The following MLLT10 variants were observed in gnomAD, a reference collection of about 807,000 sequenced individuals.
MLLT10 encodes the protein protein AF-10.
MLLT10 carries 30 observed loss-of-function variants against 129.1 expected under a neutral mutation model. That is an observed-to-expected ratio of 0.23 (90% CI 0.17 to 0.32). The LOEUF is 0.32. MLLT10 is among the 10% of genes least tolerant of loss of function. The probability of loss-of-function intolerance (pLI) is 1.00; values close to 1 mark genes in which losing one functional copy is unlikely to be tolerated. For missense variants in MLLT10, 1,119 were observed against 1,268.3 expected (o/e 0.88, Z 1.79); for synonymous variants, 490 against 446.4 (o/e 1.10, Z -1.23).
intron 13 of MLLT10, among the ~76,000 whole-genome samples, chr10:21,687,116 G>A (rs1183656764): frequency 6.6e-6 from 1 of 152,134 alleles, no homozygotes; most frequent in African/African-American, 2.4e-5. Flanking sequence ...TCTGGTTTGA[G>A]ACAACTGCGC....
Position 21,733,745 on chromosome 10 carries a change from G to C in MLLT10, c.2497-23G>C, listed in dbSNP as rs749115754. On this transcript the variant is annotated intron_variant, in intron 19 of 22. Transcript: ENST00000307729. The stretch of plus-strand genomic sequence containing the variant: ...TGGGACTTAATGTCCAGTGGACTTA[G>C]TTTCTCTTCTTTCTTACGCTAGGAC... 12 of 1,584,396 alleles carry C rather than the reference G, an allele frequency of 7.6e-6. No individual in the cohort carries two copies. In the East Asian group the frequency reaches 2.7e-4, roughly 36 times the overall value.
At chr10:21,557,058 C>G in intron 3 of MLLT10, 1 of 1,419,042 alleles carries the variant, frequency 7.0e-7, no homozygotes, top group Non-Finnish European at 9.2e-7. Context: ...TTTTTTCCCA[C>G]TCAACTCACA....
chr10:21,708,878 C>T, intron 13 of MLLT10: 1 of 425,562 alleles, frequency 2.3e-6, no homozygotes, highest in Non-Finnish European at 3.1e-6. Context: ...AAAGCATTAA[C>T]ACCAAAATGG....
chr10:21,597,894 C>G (rs371586093), intron 5 of MLLT10, among the ~76,000 whole-genome samples: 3 of 152,140 alleles, frequency 2.0e-5, no homozygotes, highest in African/African-American at 7.2e-5. Flanking sequence ...TACATAATTT[C>G]AGTTTTTCCT....
rs146156627 is a variant in MLLT10 at position 21,711,423 on chromosome 10, A to G, written c.1700-2349A>G. 3.8e-4 allele frequency among the ~76,000 whole-genome samples: 58 copies of G among 151,984 alleles called. No individual in the cohort carries two copies. The East Asian group carries it at 0.011, about 28-fold the overall frequency. On this transcript the variant is annotated intron_variant, in intron 13 of 22. Transcript: ENST00000307729. ...GGCAACAGAGCAAGACTTCACCTCA[A>G]AAAAGAAACTAGCTTGAGGCTGGGC...
At chr10:21,694,138 G>C (rs754580628) in intron 13 of MLLT10, among the ~76,000 whole-genome samples, 1 of 152,144 alleles carries the variant, frequency 6.6e-6, no homozygotes, top group Non-Finnish European at 1.5e-5. Context: ...GTTGCGCACC[G>C]TATCCCATCA....
chr10:21,629,704 C>T (rs1343896196), intron 8 of MLLT10, among the ~76,000 whole-genome samples: 1 of 152,136 alleles, frequency 6.6e-6, no homozygotes, highest in Non-Finnish European at 1.5e-5. Flanking sequence ...TTGGATTTAG[C>T]ACCAAGGAAG....
At position 21,697,099 on chromosome 10, in the gene MLLT10, C is replaced by CAAAAA. The variant is rs1163740638; in HGVS notation, c.1699+14861_1699+14865dup. Among the ~76,000 whole-genome samples the CAAAAA allele has an allele frequency of 1.6e-3, 135 of 82,618 alleles. 1 individual carries two copies. The highest frequency in any genetic ancestry group is 3.9e-3 in the African/African-American group (81 of 20,912). The allele number at this position is 82,618 out of a possible 152,430, so 54.2% of individuals were successfully genotyped here. On this transcript the variant is annotated intron_variant, in intron 13 of 22. Transcript: ENST00000307729. ...AGAAGTGAATTCTGTCTGATTTAAG[C>CAAAAA]AAAAAAAAAAAAAAAAAAAAAAAGA...
At chr10:21,648,059 A>C (rs990562165) in intron 8 of MLLT10, among the ~76,000 whole-genome samples, 23 of 152,234 alleles carry the variant, frequency 1.5e-4, no homozygotes, top group African/African-American at 4.8e-4. Context: ...CAGTTCTAGT[A>C]CCATTATTAA....
chr10:21,609,220 G>A (rs1171309678), intron 5 of MLLT10, among the ~76,000 whole-genome samples: 5 of 151,998 alleles, frequency 3.3e-5, no homozygotes, highest in African/African-American at 9.7e-5. Context: ...CTCTTAGCCA[G>A]TTACATTTTC....
chr10:21,548,530 C>T (rs900836610), intron 3 of MLLT10, among the ~76,000 whole-genome samples: 7 of 151,934 alleles, frequency 4.6e-5, no homozygotes, highest in Non-Finnish European at 5.9e-5. Flanking sequence ...CCGCTACGCC[C>T]GGCTAATTTT....
At chr10:21,704,843 A>G (rs996171238) in intron 13 of MLLT10, among the ~76,000 whole-genome samples, 9 of 152,142 alleles carry the variant, frequency 5.9e-5, no homozygotes, top group African/African-American at 2.2e-4. Flanking sequence ...AGCAGTGGCT[A>G]TGATTTTTCT....
intron 11 of MLLT10, 98 bp from the exon 12 acceptor site, chr10:21,681,234 T>G: frequency 6.7e-7 from 1 of 1,497,838 alleles, no homozygotes; most frequent in Non-Finnish European, 9.2e-7. Context: ...ACTACACTTT[T>G]AGGTGAATTT....
At chr10:21,600,043 A>G (rs956652111) in intron 5 of MLLT10, among the ~76,000 whole-genome samples, 5 of 152,314 alleles carry the variant, frequency 3.3e-5, no homozygotes, top group Admixed American at 1.3e-4. Flanking sequence ...TTTCAACACT[A>G]TTGCTGAATA....
chr10:21,651,824 T>C (rs1589438275), intron 9 of MLLT10, 56 bp downstream of exon 9: 1 of 1,249,312 alleles, frequency 8.0e-7, no homozygotes, highest in East Asian at 2.4e-5. Flanking sequence ...TGTGCTGATT[T>C]TCACCTCTAA....
intron 5 of MLLT10, among the ~76,000 whole-genome samples, chr10:21,611,220 G>A (rs2044617881): frequency 6.7e-6 from 1 of 150,368 alleles, no homozygotes; most frequent in Non-Finnish European, 1.5e-5. Context: ...TGTTGGCCAG[G>A]CTGGTCTCGA....
rs981046142 is a variant in MLLT10, at chr10:21,670,513, C to T, written c.860C>T (p.Ala287Val). The change falls in exon 10 of 23, where the codon GCA becomes GTA. Residue 287 changes from alanine (A) to valine (V), a missense_variant. Transcript: ENST00000307729. ...GSLKRLEDTT[A>V]RFTNANFQEV... ...TTGAAGCGCTTGGAAGATACTACTG[C>T]ACGATTTACAAATGCAAATTTCCAG... The T allele has an allele frequency of 1.2e-6, 2 of 1,613,970 alleles. No individual in the cohort carries two copies. The highest frequency in any genetic ancestry group is 2.7e-5 in the African/African-American group (2 of 74,906).
At chr10:21,570,332 C>G (rs1231021299) in intron 3 of MLLT10, among the ~76,000 whole-genome samples, 1 of 152,046 alleles carries the variant, frequency 6.6e-6, no homozygotes, top group Non-Finnish European at 1.5e-5. Context: ...CTCGGCCTCC[C>G]AAAGTGCTGG....
chr10:21,673,410 C>T lies in MLLT10; in HGVS notation c.1112C>T (p.Pro371Leu), dbSNP rs1178277954. Residue 371 changes from proline to leucine, a missense_variant, in exon 11 of 23, where the codon CCC becomes CTC. Physicochemically the swap from Pro to Leu is moderately conservative, Grantham distance 98. Coordinates refer to ENST00000307729, the MANE Select transcript of MLLT10 (RefSeq NM_001195626.3). ...TCTTCTGGAAGTTCAGTGCAGTCTC[C>T]CCAGGATTTCCTGAGCTTTACAGAC... is the stretch of plus-strand genomic sequence containing the variant. ...KSSSGSSVQS[P>L]QDFLSFTDSD... 6 of 1,608,922 alleles carry T rather than the reference C, an allele frequency of 3.7e-6. No individual in the cohort carries two copies. Among genetic ancestry groups the T allele is most frequent in the Non-Finnish European group, 5.1e-6 (6 of 1,178,274 alleles).
Sources: allele counts gnomAD v4.1 joint callset (sites outside exome capture counted in the v4.1 genomes callset), GRCh38; gene constraint gnomAD v4.1.1; transcripts MANE v1.5; gene names NCBI Gene and HGNC (gene_info 2026-07-23, HGNC 2026-07-21).